The following PRAC2 variants were observed in gnomAD, a reference collection of about 807,000 sequenced individuals.
PRAC2 encodes the protein protein PRAC2.
For synonymous variants in PRAC2, 43 were observed against 49.5 expected (o/e 0.87, Z 0.55); for missense variants, 92 against 114.5 (o/e 0.80, Z 0.90).
At chr17:48,723,818 G>A (rs1264432875) in intron 1 of PRAC2, 3 of 1,194,674 alleles carry the variant, frequency 2.5e-6, no homozygotes, top group Admixed American at 4.2e-5. Context: ...GGCTTCTGGA[G>A]GCCTAATAAA....
At chr17:48,719,086 G>A (rs926492405), upstream of PRAC2, among the ~76,000 whole-genome samples, 7 of 152,212 alleles carry the variant, frequency 4.6e-5, no homozygotes, top group South Asian at 1.0e-3. Context: ...CCCGCGCGCC[G>A]GCGCGCCCTG....
chr17:48,721,217 C>T (rs2038141816), upstream of PRAC2, among the ~76,000 whole-genome samples: 1 of 152,156 alleles, frequency 6.6e-6, no homozygotes, highest in Non-Finnish European at 1.5e-5. Context: ...CCCCTGTGCG[C>T]ACACATGCCT....
chr17:48,724,263 A>C (rs2038178705), intron 1 of PRAC2, 65 bp from the exon 2 acceptor site: 3 of 916,478 alleles, frequency 3.3e-6, no homozygotes, highest in Non-Finnish European at 4.3e-6. Flanking sequence ...TGGGAGACTA[A>C]AATTGGGAAG....
upstream of PRAC2, chr17:48,721,715 C>A: frequency 1.6e-6 from 2 of 1,245,368 alleles, no homozygotes; most frequent in South Asian, 2.6e-5. Flanking sequence ...TAACTTTCAC[C>A]CAGTTTCCTT....
At chr17:48,724,249 T>C in intron 1 of PRAC2, 79 bp from the exon 2 acceptor site, 3 of 676,154 alleles carry the variant, frequency 4.4e-6, no homozygotes, top group Non-Finnish European at 6.3e-6. Context: ...CGTCCAGGGA[T>C]AGGTGGGAGA....
chr17:48,724,439 C>T lies in PRAC2; in HGVS notation c.29C>T (p.Pro10Leu), dbSNP rs1323528037. The T allele has an allele frequency of 6.5e-6, 8 of 1,234,324 alleles. No individual in the cohort carries two copies. In the East Asian group the frequency reaches 2.5e-4, roughly 39 times the overall value. 76.5% of individuals were successfully genotyped at this position (1,234,324 alleles called of 1,614,324 possible). A position where few individuals can be genotyped will look rare whatever the true frequency, so the allele number is the denominator to read the frequency against. MDRRRMALR[P>L]GSRRPTAFFF... is the part of the protein sequence containing the mutation. ...GACAGAAGGCGGATGGCTCTGCGGC[C>T]TGGCTCCCGCAGACCGACCGCCTTC... Residue 10 changes from proline to leucine, a missense_variant, in exon 2 of 2, where the codon CCT becomes CTT. Coordinates refer to ENST00000422730, the MANE Select transcript of PRAC2 (RefSeq NM_001282275.2).
upstream of PRAC2, among the ~76,000 whole-genome samples, chr17:48,721,194 A>C (rs1211365327): frequency 6.6e-6 from 1 of 152,164 alleles, no homozygotes; most frequent in East Asian, 1.9e-4. Flanking sequence ...CTGCTTCTGT[A>C]CTGGACCCAG....
upstream of PRAC2, among the ~76,000 whole-genome samples, chr17:48,720,972 C>T (rs756315976): frequency 6.6e-6 from 1 of 152,130 alleles, no homozygotes; most frequent in South Asian, 2.1e-4. Flanking sequence ...GTAACTTACC[C>T]TCTTAGTTTC....
upstream of PRAC2, chr17:48,722,544 T>C (rs1597928764): frequency 5.9e-6 from 4 of 675,170 alleles, no homozygotes; most frequent in East Asian, 1.1e-4. Context: ...TGGGTGCCCC[T>C]CTCCCTGTAG....
upstream of PRAC2, chr17:48,723,021 C>G (rs2038162138): frequency 6.5e-6 from 1 of 153,454 alleles, no homozygotes; most frequent in Non-Finnish European, 1.5e-5. Context: ...ACTTCGTCCC[C>G]TCCCCCTCAT....
At chr17:48,722,771 A>G (rs1216113975), upstream of PRAC2, among the ~76,000 whole-genome samples, 1 of 150,132 alleles carries the variant, frequency 6.7e-6, no homozygotes, top group African/African-American at 2.5e-5. Context: ...TCTTCCCCTC[A>G]CCTTCCTCCC....
At chr17:48,722,364 C>T, upstream of PRAC2, 1 of 1,614,174 alleles carries the variant, frequency 6.2e-7, no homozygotes, top group South Asian at 1.1e-5. Flanking sequence ...ATGGGCCGGT[C>T]CTTGATCTGA....
chr17:48,719,243 A>ACACACACACG (rs1052664424), upstream of PRAC2, among the ~76,000 whole-genome samples: 23 of 151,036 alleles, frequency 1.5e-4, no homozygotes, highest in African/African-American at 5.6e-4. Context: ...ACACACACAC[A>ACACACACACG]CGCACACGCA....
upstream of PRAC2, among the ~76,000 whole-genome samples, chr17:48,719,473 G>A (rs2038125065): frequency 6.6e-6 from 1 of 152,202 alleles, no homozygotes; most frequent in Admixed American, 6.5e-5. Flanking sequence ...AGCAGCCAGG[G>A]ATCGGATAGC....
upstream of PRAC2, among the ~76,000 whole-genome samples, chr17:48,720,921 G>A (rs2143037889): frequency 6.6e-6 from 1 of 152,230 alleles, no homozygotes; most frequent in South Asian, 2.1e-4. Flanking sequence ...TTTTCAGTTG[G>A]TGGTAGAGGT....
intron 1 of PRAC2, 72 bp downstream of exon 1, chr17:48,723,385 G>A (rs1294826117): frequency 3.5e-6 from 1 of 284,848 alleles, no homozygotes; most frequent in Non-Finnish European, 6.4e-6. Context: ...GTTGGGGCCG[G>A]GGGGCACAGG....
At chr17:48,719,116 T>C (rs910845041), upstream of PRAC2, among the ~76,000 whole-genome samples, 2 of 152,080 alleles carry the variant, frequency 1.3e-5, no homozygotes, top group African/African-American at 4.8e-5. Context: ...GACTGGATGT[T>C]ACCGAGCCAG....
upstream of PRAC2, among the ~76,000 whole-genome samples, chr17:48,719,212 A>ACAC (rs2038121894): frequency 4.3e-5 from 6 of 141,032 alleles, no homozygotes; most frequent in East Asian, 4.2e-4. Flanking sequence ...CTCGCACACA[A>ACAC]ACACACACAC....
rs993882814 is a variant in PRAC2 at position 48,723,455 on chromosome 17, A to T, written c.-84+142A>T. On this transcript the variant is annotated intron_variant, in intron 1 of 1. Coordinates refer to ENST00000422730, the MANE Select transcript of PRAC2 (RefSeq NM_001282275.2). Reference sequence around the variant, plus strand: ...ACTTAGCACCTTCAATATAACTTTAATGAAGGGGGGGAGGGGAGCTGCAGG... The same window carrying T: ...ACTTAGCACCTTCAATATAACTTTATTGAAGGGGGGGAGGGGAGCTGCAGG... The T allele has an allele frequency of 1.1e-5, 4 of 361,976 alleles. No homozygotes were observed. The East Asian group carries it at 1.6e-4, about 15-fold the overall frequency. The allele number at this position is 361,976 out of a possible 1,614,324, so 22.4% of individuals were successfully genotyped here.
Sources: gnomAD v4.1 joint callset for allele counts (sites outside exome capture counted in the v4.1 genomes callset) on GRCh38, gnomAD v4.1.1 for gene constraint, MANE v1.5 for transcripts, NCBI Gene and HGNC (gene_info 2026-07-23, HGNC 2026-07-21) for gene names.